Variants in HERC4 observed in about 807,000 individuals in gnomAD.
The protein encoded by HERC4 is HECT and RLD domain containing E3 ubiquitin protein ligase 4.
HERC4 carries 28 observed loss-of-function variants against 124.3 expected under a neutral mutation model. The ratio of observed to expected loss-of-function variants is 0.23; its 90% CI spans 0.17 to 0.31. HERC4 has a LOEUF of 0.31. Among genes scored for constraint, HERC4 ranks in the 10% least tolerant of loss-of-function variants. The pLI is 1.00. For synonymous variants in HERC4, 407 were observed against 421.5 expected (o/e 0.97, Z 0.42); for missense variants, 713 against 1,229.3 (o/e 0.58, Z 6.28).
intron 3 of HERC4, among the ~76,000 whole-genome samples, chr10:68,064,948 G>A (rs1340158694): frequency 6.7e-6 from 1 of 150,264 alleles, no homozygotes; most frequent in Non-Finnish European, 1.5e-5. Context: ...TCCAGCTTGG[G>A]TGACAGAGCA....
chr10:67,997,603 T>C (rs2036967763), intron 9 of HERC4, among the ~76,000 whole-genome samples: 1 of 152,202 alleles, frequency 6.6e-6, no homozygotes, highest in African/African-American at 2.4e-5. Flanking sequence ...GCTTTAACCC[T>C]GAGTACCTCA....
chr10:67,964,462 C>A (rs2034726495), intron 16 of HERC4, among the ~76,000 whole-genome samples: 1 of 152,114 alleles, frequency 6.6e-6, no homozygotes, highest in South Asian at 2.1e-4. Context: ...ATCTCCAAGA[C>A]ATATTCCATT....
chr10:68,035,402 C>T (rs901339415), intron 5 of HERC4, among the ~76,000 whole-genome samples: 2 of 152,084 alleles, frequency 1.3e-5, no homozygotes, highest in Non-Finnish European at 1.5e-5. Flanking sequence ...GTGATCTGCC[C>T]ACCTCGGCCT....
intron 6 of HERC4, 117 bp downstream of exon 6, chr10:68,033,848 T>A: frequency 1.3e-6 from 1 of 768,076 alleles, no homozygotes; most frequent in Non-Finnish European, 2.1e-6. Context: ...TAACATCTCA[T>A]CCCCACCTCT....
At chr10:68,017,914 T>C (rs1432429124) in intron 8 of HERC4, among the ~76,000 whole-genome samples, 2 of 152,240 alleles carry the variant, frequency 1.3e-5, no homozygotes, top group Non-Finnish European at 2.9e-5. Context: ...AGAATGTTTT[T>C]TAAATTCCAA....
chr10:68,039,361 A>ATGGGGAGGT (rs2039647447), intron 4 of HERC4: 4 of 1,475,166 alleles, frequency 2.7e-6, no homozygotes, highest in Non-Finnish European at 9.0e-7. Context: ...AAAACGGGGG[A>ATGGGGAGGT]TGGGGAGGTA....
chr10:68,028,635 A>G (rs927572429), intron 7 of HERC4, among the ~76,000 whole-genome samples: 2 of 152,114 alleles, frequency 1.3e-5, no homozygotes, highest in Non-Finnish European at 2.9e-5. Context: ...AGGACCTTTC[A>G]CTCGTTATGG....
At chr10:68,060,919 TAA>T (rs34505719) in intron 3 of HERC4, among the ~76,000 whole-genome samples, 1 of 145,272 alleles carries the variant, frequency 6.9e-6, no homozygotes, top group African/African-American at 2.5e-5. Flanking sequence ...TATGCCATCC[TAA>T]AAAAAAAAAA....
intron 16 of HERC4, among the ~76,000 whole-genome samples, chr10:67,957,572 G>A (rs1342599154): frequency 1.3e-5 from 2 of 152,074 alleles, no homozygotes; most frequent in Non-Finnish European, 2.9e-5. Context: ...TATCCTGGCA[G>A]GTAATATATT....
intron 3 of HERC4, among the ~76,000 whole-genome samples, chr10:68,062,021 C>G (rs1167147492): frequency 6.6e-6 from 1 of 150,800 alleles, no homozygotes; most frequent in East Asian, 2.0e-4. Flanking sequence ...CTTCCAAAAG[C>G]ACAAAGTTAA....
rs572309142 is a variant in HERC4, at chr10:67,985,597, G to A, written c.1806+3066C>T. ...CACTGATTTAGATCAGCACAAATAT[G>A]TAGCGACTAGGCTAGACAGACCAAG... On this transcript the variant is annotated intron_variant, in intron 15 of 24. Transcript: ENST00000373700. 2.6e-5 allele frequency among the ~76,000 whole-genome samples: 4 copies of A among 152,270 alleles called. No homozygotes were observed. In the East Asian group the frequency reaches 7.7e-4, roughly 29 times the overall value.
At chr10:68,051,836 AT>A in intron 3 of HERC4, among the ~76,000 whole-genome samples, 1 of 149,480 alleles carries the variant, frequency 6.7e-6, no homozygotes, top group Non-Finnish European at 1.5e-5. Flanking sequence ...CTACAGGCTA[AT>A]TTTTTGTATT....
chr10:67,992,081 G>A, intron 11 of HERC4, 118 bp downstream of exon 11: 1 of 868,484 alleles, frequency 1.2e-6, no homozygotes, highest in East Asian at 2.8e-5. Flanking sequence ...TTTTTTTGTA[G>A]AGACAGGGTT....
intron 9 of HERC4, among the ~76,000 whole-genome samples, chr10:68,004,211 G>GT (rs2037406995): frequency 6.6e-6 from 1 of 152,112 alleles, no homozygotes; most frequent in South Asian, 2.1e-4. Flanking sequence ...CTATAGAGTT[G>GT]TTTCAGGAAC....
intron 8 of HERC4, among the ~76,000 whole-genome samples, chr10:68,017,547 A>G (rs1049029105): frequency 9.9e-5 from 15 of 152,180 alleles, no homozygotes; most frequent in Non-Finnish European, 2.1e-4. Flanking sequence ...GCAGTGGTGC[A>G]ATCTCAGCTC....
At chr10:68,049,248 T>C (rs1005839225) in intron 3 of HERC4, among the ~76,000 whole-genome samples, 1 of 152,090 alleles carries the variant, frequency 6.6e-6, no homozygotes, top group African/African-American at 2.4e-5. Flanking sequence ...CCAGGATATA[T>C]TATCCATTGG....
chr10:67,980,553 A>AT (rs566205397), intron 15 of HERC4, among the ~76,000 whole-genome samples: 222 of 152,326 alleles, frequency 1.5e-3, no homozygotes, highest in Non-Finnish European at 2.1e-3. Flanking sequence ...ATTAATGGGC[A>AT]ATAACAAATC....
chr10:68,048,279 G>A (rs1048143228), intron 3 of HERC4, among the ~76,000 whole-genome samples: 6 of 152,160 alleles, frequency 3.9e-5, no homozygotes, highest in East Asian at 1.9e-4. Flanking sequence ...CATCCAAGAC[G>A]TCCTTCAGTA....
intron 16 of HERC4, among the ~76,000 whole-genome samples, chr10:67,964,091 AT>A (rs11327388): frequency 0.024 from 3,061 of 129,210 alleles, 90 homozygotes; most frequent in African/African-American, 0.082. Flanking sequence ...CTACCACTCC[AT>A]TTTTTTTTTT....
Sources: allele counts gnomAD v4.1 joint callset (sites outside exome capture counted in the v4.1 genomes callset), GRCh38; gene constraint gnomAD v4.1.1; transcripts MANE v1.5; gene names NCBI Gene and HGNC (gene_info 2026-07-23, HGNC 2026-07-21).